SYT7: variants seen among roughly 807,000 people sequenced by gnomAD.
The protein encoded by SYT7 is synaptotagmin 7, also known as synaptotagmin-7.
SYT7 carries 29 observed loss-of-function variants against 75.1 expected under a neutral mutation model. The ratio of observed to expected loss-of-function variants is 0.39; its 90% confidence interval spans 0.29 to 0.53. The LOEUF is 0.53. Among genes scored for constraint, SYT7 ranks in the 20% least tolerant of loss-of-function variants. The pLI is 0.77. For missense variants in SYT7, 693 were observed against 953.2 expected (o/e 0.73, Z 3.59); for synonymous variants, 376 against 401.7 (o/e 0.94, Z 0.76).
intron 1 of SYT7, among the ~76,000 whole-genome samples, chr11:61,572,161 G>A (rs570774041): frequency 4.6e-5 from 7 of 152,192 alleles, no homozygotes; most frequent in Non-Finnish European, 1.0e-4. Flanking sequence ...TCCAGGGCTG[G>A]CAGGTGCCAA....
Position 61,518,518 on chromosome 11 carries a change from G to A in SYT7, c.*109C>T, listed in dbSNP as rs2062206448. The A allele has an allele frequency of 5.4e-6, 4 of 735,146 alleles. No homozygotes were observed. Among genetic ancestry groups the A allele is most frequent in the Non-Finnish European group, 8.3e-6 (4 of 479,280 alleles). 45.5% of individuals were successfully genotyped at this position (735,146 alleles called of 1,614,324 possible). On this transcript the variant is annotated 3_prime_UTR_variant, in exon 13 of 13. Coordinates refer to ENST00000539008, the MANE Select transcript of SYT7 (RefSeq NM_001365809.2). Reference sequence around the variant, plus strand: ...GACCCCTCCCTGGCTGAGCCCTCAGGGTCCTCCCCTCCCTATGGCAGGGGG... The same window carrying A: ...GACCCCTCCCTGGCTGAGCCCTCAGAGTCCTCCCCTCCCTATGGCAGGGGG...
At chr11:61,562,033 CATGCACACACAT>C (rs1041567615) in intron 1 of SYT7, among the ~76,000 whole-genome samples, 3 of 150,682 alleles carry the variant, frequency 2.0e-5, no homozygotes, top group Non-Finnish European at 2.9e-5. Flanking sequence ...CACACACATG[CATGCACACACAT>C]ATGCACACAC....
chr11:61,559,744 C>T (rs1265487847), intron 1 of SYT7, among the ~76,000 whole-genome samples: 1 of 152,184 alleles, frequency 6.6e-6, no homozygotes, highest in East Asian at 1.9e-4. Context: ...CCATCCTCAA[C>T]CCCTGCTGCA....
chr11:61,538,344 A>G (rs1221714804), intron 6 of SYT7, 78 bp from the exon 7 acceptor site: 1 of 905,704 alleles, frequency 1.1e-6, no homozygotes, highest in Non-Finnish European at 1.6e-6. Context: ...AAGGAGAGAG[A>G]GGGAGAGAGA....
intron 7 of SYT7, among the ~76,000 whole-genome samples, chr11:61,533,916 G>A (rs2062786399): frequency 6.6e-6 from 1 of 152,084 alleles, no homozygotes; most frequent in Non-Finnish European, 1.5e-5. Flanking sequence ...CATTTGGTAA[G>A]GCTCTCACCC....
In SYT7 at chr11:61,580,866, C is replaced by A. The variant is rs2064244284; in HGVS notation, c.-46G>T. Reference sequence around the variant, plus strand: ...CCTCCGGGCTCCTCAGAGCCGCCCGCGGCCGCGCGCTGCTCCGCCGCCGCC... The same window carrying A: ...CCTCCGGGCTCCTCAGAGCCGCCCGAGGCCGCGCGCTGCTCCGCCGCCGCC... On this transcript the variant is annotated 5_prime_UTR_variant, in exon 1 of 13. Coordinates refer to ENST00000539008, the MANE Select transcript of SYT7 (RefSeq NM_001365809.2). The surrounding 1 kb of genome is among the most constrained non-coding windows in gnomAD (Gnocchi z 6.1). The A allele has an allele frequency of 4.2e-6, 5 of 1,179,320 alleles. 1 individual carries two copies. The South Asian group carries it at 1.6e-4, about 38-fold the overall frequency. 73.1% of individuals were successfully genotyped at this position (1,179,320 alleles called of 1,614,324 possible).
chr11:61,572,798 C>A (rs1160204264), intron 1 of SYT7, among the ~76,000 whole-genome samples: 1 of 152,160 alleles, frequency 6.6e-6, no homozygotes, highest in East Asian at 1.9e-4. Context: ...GGCGTCAGGG[C>A]CCTTGGCACC....
intron 12 of SYT7, among the ~76,000 whole-genome samples, chr11:61,522,185 C>A (rs1044599420): frequency 2.1e-5 from 3 of 140,292 alleles, no homozygotes; most frequent in Admixed American, 7.0e-5. Flanking sequence ...ATGAAGAGAT[C>A]ACTTTTTTTT....
At chr11:61,563,385 G>T (rs1421485540) in intron 1 of SYT7, among the ~76,000 whole-genome samples, 1 of 152,178 alleles carries the variant, frequency 6.6e-6, no homozygotes, top group Non-Finnish European at 1.5e-5. Flanking sequence ...CTGCTGGGGA[G>T]GTCACCATCA....
At chr11:61,541,163 T>TA in intron 6 of SYT7, 1 of 985,578 alleles carries the variant, frequency 1.0e-6, no homozygotes, top group Non-Finnish European at 1.2e-6. Context: ...CTTGCTTGCC[T>TA]TCAGAATCCC....
chr11:61,577,425 C>G (rs993614821), intron 1 of SYT7, among the ~76,000 whole-genome samples: 1 of 152,200 alleles, frequency 6.6e-6, no homozygotes, highest in Non-Finnish European at 1.5e-5. Flanking sequence ...TGGGTGGACA[C>G]AGTCAGGCCT....
chr11:61,564,282 C>T (rs1049440065), intron 1 of SYT7, among the ~76,000 whole-genome samples: 2 of 152,216 alleles, frequency 1.3e-5, no homozygotes, highest in Non-Finnish European at 2.9e-5. Context: ...ACACTCCCCA[C>T]ACCCAGCCCT....
chr11:61,518,896 C>G (rs1278423470), intron 12 of SYT7, among the ~76,000 whole-genome samples, 165 bp from the exon 13 acceptor site: 1 of 152,232 alleles, frequency 6.6e-6, no homozygotes, highest in African/African-American at 2.4e-5. Flanking sequence ...CTCCCTCCCC[C>G]AGTCAGCCTG....
At position 61,523,389 on chromosome 11, in the gene SYT7, G is replaced by A; in HGVS notation, c.1757-115C>T. On this transcript the variant is annotated intron_variant, in intron 11 of 12. Coordinates refer to ENST00000539008, the MANE Select transcript of SYT7 (RefSeq NM_001365809.2). This position sits in a 1 kb window ranked among gnomAD's most constrained non-coding sequence, Gnocchi z 5.0. ...AGGAGGGCCGTGTGCTTTCCCCAGAGGCAAGGAAAGACCCAGGCAAGAACA... is the reference window on the plus strand; with the variant it reads ...AGGAGGGCCGTGTGCTTTCCCCAGAAGCAAGGAAAGACCCAGGCAAGAACA... The A allele has an allele frequency of 9.8e-7, 1 of 1,017,330 alleles. No individual in the cohort carries two copies. The highest frequency in any genetic ancestry group is 2.0e-5 in the Admixed American group (1 of 50,894). The allele number at this position is 1,017,330 out of a possible 1,614,324, so 63.0% of individuals were successfully genotyped here.
intron 1 of SYT7, among the ~76,000 whole-genome samples, chr11:61,568,576 G>A (rs1383156205): frequency 6.6e-6 from 1 of 152,212 alleles, no homozygotes; most frequent in Non-Finnish European, 1.5e-5. Flanking sequence ...CGCTCAGGCT[G>A]GTGCAGCCAG....
At chr11:61,581,309 CG>C (rs1266296805), upstream of SYT7, among the ~76,000 whole-genome samples, 1 of 149,442 alleles carries the variant, frequency 6.7e-6, no homozygotes, top group East Asian at 1.9e-4. Context: ...TCGCAGTCCC[CG>C]CGGGGAGGGC....
rs1484633393 is a variant in SYT7, at chr11:61,528,068, T to C, written c.1318A>G (p.Met440Val). The change falls in exon 9 of 13, where the codon ATG becomes GTG. Residue 440 changes from methionine to valine, a missense_variant. Coordinates refer to ENST00000539008, the MANE Select transcript of SYT7 (RefSeq NM_001365809.2). ...FQESTLTVKI[M>V]KAQELPAKDF... ...TTGGCCGGCAGCTCCTGGGCCTTCA[T>C]GATCTTCACGGTGAGCGTGGACTCC... 1.9e-6 allele frequency: 3 copies of C among 1,613,880 alleles called. No homozygotes were observed. The highest frequency in any genetic ancestry group is 1.3e-5 in the African/African-American group (1 of 74,908).
At chr11:61,528,844 T>C (rs1332299232) in intron 8 of SYT7, among the ~76,000 whole-genome samples, 2 of 152,106 alleles carry the variant, frequency 1.3e-5, no homozygotes, top group Non-Finnish European at 2.9e-5. Flanking sequence ...GGCCTGGGCA[T>C]CAGTGCTGTG....
Position 61,517,133 on chromosome 11 carries a change from C to G in SYT7, c.*1494G>C. ...TGGCGGTAGTTCTGGGAATGTCAGG[C>G]CCAGGCTCGTGGACCCCCAGGATTG... On this transcript the variant is annotated 3_prime_UTR_variant, in exon 13 of 13. Transcript: ENST00000539008. The G allele has an allele frequency of 2.5e-6, 1 of 397,062 alleles. No individual in the cohort carries two copies. The highest frequency in any genetic ancestry group is 4.4e-6 in the Non-Finnish European group (1 of 225,552). 24.6% of individuals were successfully genotyped at this position (397,062 alleles called of 1,614,324 possible). A position where few individuals can be genotyped will look rare whatever the true frequency, so the allele number is the denominator to read the frequency against.
Sources: allele counts gnomAD v4.1 joint callset (sites outside exome capture counted in the v4.1 genomes callset), GRCh38; gene constraint gnomAD v4.1.1; non-coding constraint Gnocchi (gnomAD v3.1); transcripts MANE v1.5; gene names NCBI Gene and HGNC (gene_info 2026-07-23, HGNC 2026-07-21).